The following CLSTN2 variants were observed in gnomAD, a reference collection of about 807,000 sequenced individuals.
CLSTN2 encodes the protein calsyntenin 2, also known as calsyntenin-2.
Under a neutral mutation model 101.2 loss-of-function variants are expected in CLSTN2, and 48 were observed. That is an observed-to-expected ratio of 0.47 (90% CI 0.38 to 0.60). The LOEUF is 0.60. CLSTN2 is among the 20% of genes least tolerant of loss of function. The pLI is 0.00. For missense variants in CLSTN2, 1,160 were observed against 1,238.2 expected (o/e 0.94, Z 0.95); for synonymous variants, 481 against 463.6 (o/e 1.04, Z -0.48).
At chr3:140,525,431 T>G (rs1161888781) in intron 8 of CLSTN2, among the ~76,000 whole-genome samples, 1 of 152,000 alleles carries the variant, frequency 6.6e-6, no homozygotes, top group Non-Finnish European at 1.5e-5. Flanking sequence ...TAATGAATTC[T>G]GAGATTTTAA....
chr3:140,101,185 C>G (rs142101608), intron 1 of CLSTN2, among the ~76,000 whole-genome samples: 2 of 152,082 alleles, frequency 1.3e-5, no homozygotes, highest in African/African-American at 4.8e-5. Context: ...AGCCATGTTC[C>G]TGGTACATAA....
At chr3:140,522,023 G>A (rs1935038317) in intron 8 of CLSTN2, among the ~76,000 whole-genome samples, 1 of 152,214 alleles carries the variant, frequency 6.6e-6, no homozygotes, top group Admixed American at 6.5e-5. Context: ...ACACACCTCT[G>A]TGAGTCAGAC....
intron 2 of CLSTN2, among the ~76,000 whole-genome samples, chr3:140,356,426 C>A (rs1330721911): frequency 6.6e-6 from 1 of 152,114 alleles, no homozygotes. Context: ...TGGACCTGAG[C>A]TGGGTGACAT....
intron 1 of CLSTN2, among the ~76,000 whole-genome samples, chr3:140,128,889 G>A (rs1327956146): frequency 6.6e-6 from 1 of 151,758 alleles, no homozygotes; most frequent in Non-Finnish European, 1.5e-5. Flanking sequence ...GGCAGCAGAA[G>A]GGGGCAGAGC....
At chr3:140,016,111 G>A (rs769819707) in intron 1 of CLSTN2, among the ~76,000 whole-genome samples, 18 of 152,202 alleles carry the variant, frequency 1.2e-4, no homozygotes, top group Non-Finnish European at 2.2e-4. Context: ...CCTAGACAGG[G>A]TAGTGGCATG....
At chr3:140,061,245 G>A (rs16849774) in intron 1 of CLSTN2, among the ~76,000 whole-genome samples, 2,334 of 152,182 alleles carry the variant, frequency 0.015, 63 homozygotes, top group African/African-American at 0.052. Context: ...TTAAAGGGCC[G>A]GCAGATAAAT....
chr3:140,139,017 T>C (rs1229327080), intron 1 of CLSTN2, among the ~76,000 whole-genome samples: 1 of 152,260 alleles, frequency 6.6e-6, no homozygotes, highest in Non-Finnish European at 1.5e-5. Flanking sequence ...TAATTATTTC[T>C]GTCACCTGGA....
At chr3:140,325,553 T>C (rs983825700) in intron 2 of CLSTN2, among the ~76,000 whole-genome samples, 1 of 152,218 alleles carries the variant, frequency 6.6e-6, no homozygotes, top group African/African-American at 2.4e-5. Flanking sequence ...CCCCATCTAA[T>C]TAGGAATAAA....
chr3:140,302,761 C>T (rs1219243572), intron 2 of CLSTN2, among the ~76,000 whole-genome samples: 1 of 152,110 alleles, frequency 6.6e-6, no homozygotes, highest in African/African-American at 2.4e-5. Context: ...GTGTATAGAA[C>T]AGATAGAAGA....
chr3:140,044,165 G>A (rs2007819971), intron 1 of CLSTN2, among the ~76,000 whole-genome samples: 1 of 152,172 alleles, frequency 6.6e-6, no homozygotes, highest in East Asian at 1.9e-4. Flanking sequence ...CCATGAGCAT[G>A]GAATGTTCTT....
intron 1 of CLSTN2, among the ~76,000 whole-genome samples, chr3:140,152,105 G>T (rs977937962): frequency 1.3e-5 from 2 of 152,116 alleles, no homozygotes; most frequent in Non-Finnish European, 2.9e-5. Context: ...ACATCTGTTA[G>T]ATTAGCTATT....
chr3:140,236,829 G>GTA (rs1213992937), intron 2 of CLSTN2, among the ~76,000 whole-genome samples: 5 of 85,940 alleles, frequency 5.8e-5, no homozygotes, highest in South Asian at 4.3e-4. Context: ...TATATAGTGT[G>GTA]TGTGTGTGTG....
intron 1 of CLSTN2, among the ~76,000 whole-genome samples, chr3:140,168,899 T>A (rs2010172850): frequency 6.6e-6 from 1 of 152,258 alleles, no homozygotes; most frequent in African/African-American, 2.4e-5. Context: ...AGGGTAGGTT[T>A]GCAGTAAGTT....
chr3:140,576,918 G>A lies in CLSTN2; in HGVS notation c.*10665G>A, dbSNP rs1039590108. On this transcript the variant is annotated 3_prime_UTR_variant, in exon 17 of 17. Coordinates refer to ENST00000458420, the MANE Select transcript of CLSTN2 (RefSeq NM_022131.3). Reference sequence around the variant, plus strand: ...TTTGGAGTATCTCATTAGAAGGACTGTATGAATTTATAGAAAATTGAATCT... The same window carrying A: ...TTTGGAGTATCTCATTAGAAGGACTATATGAATTTATAGAAAATTGAATCT... 6.6e-6 allele frequency: 1 copy of A among 152,242 alleles called. No individual in the cohort carries two copies. The highest frequency in any genetic ancestry group is 1.5e-5 in the Non-Finnish European group (1 of 68,048). The allele number at this position is 152,242 out of a possible 1,614,324, so 9.4% of individuals were successfully genotyped here. A position where few individuals can be genotyped will look rare whatever the true frequency, so the allele number is the denominator to read the frequency against.
At chr3:140,237,024 G>T (rs2086424573) in intron 2 of CLSTN2, among the ~76,000 whole-genome samples, 1 of 151,906 alleles carries the variant, frequency 6.6e-6, no homozygotes, top group South Asian at 2.1e-4. Flanking sequence ...TCCTTATCAT[G>T]AGTCATGTTT....
At chr3:140,293,351 T>C (rs1351687684) in intron 2 of CLSTN2, among the ~76,000 whole-genome samples, 1 of 152,094 alleles carries the variant, frequency 6.6e-6, no homozygotes, top group Non-Finnish European at 1.5e-5. Context: ...CATTCCTACT[T>C]CCTATCCAGG....
chr3:140,428,887 C>T (rs928506129), intron 5 of CLSTN2, among the ~76,000 whole-genome samples: 2 of 152,114 alleles, frequency 1.3e-5, no homozygotes, highest in Admixed American at 6.6e-5. Flanking sequence ...TTTGGAGAAG[C>T]GCTTCTCAAA....
At chr3:140,021,086 G>A (rs182778862) in intron 1 of CLSTN2, among the ~76,000 whole-genome samples, 1 of 152,276 alleles carries the variant, frequency 6.6e-6, no homozygotes, top group African/African-American at 2.4e-5. Flanking sequence ...TACGATGTGG[G>A]ACTTGATGCT....
intron 5 of CLSTN2, among the ~76,000 whole-genome samples, chr3:140,437,456 A>G (rs12486034): frequency 0.16 from 24,089 of 152,218 alleles, 2,457 homozygotes; most frequent in South Asian, 0.33. Flanking sequence ...AGAAAATATT[A>G]TAATAACAGT....
Sources: allele counts gnomAD v4.1 joint callset (sites outside exome capture counted in the v4.1 genomes callset), GRCh38; gene constraint gnomAD v4.1.1; transcripts MANE v1.5; gene names NCBI Gene and HGNC (gene_info 2026-07-23, HGNC 2026-07-21).